Variants in FMN2 observed in about 807,000 individuals in gnomAD.
The protein encoded by FMN2 is formin 2.
Under a neutral mutation model 142.3 loss-of-function variants are expected in FMN2, and 51 were observed. The observed-to-expected ratio is 0.36, with a 90% CI of 0.29 to 0.45. The LOEUF (loss-of-function observed/expected upper bound fraction) is 0.45. FMN2 is among the 20% of genes least tolerant of loss of function. The pLI, the probability that FMN2 is intolerant of heterozygous loss-of-function variation, is 1.00. For synonymous variants in FMN2, 882 were observed against 869.8 expected (o/e 1.01, Z -0.25); for missense variants, 1,936 against 2,122.8 (o/e 0.91, Z 1.73).
At chr1:240,472,558 G>T in intron 17 of FMN2, 105 bp downstream of exon 17, 1 of 691,094 alleles carries the variant, frequency 1.4e-6, no homozygotes, top group Non-Finnish European at 2.3e-6. Context: ...TACTAAGTGT[G>T]AATAAATAAG....
At chr1:240,284,461 A>G (rs1012314945) in intron 7 of FMN2, among the ~76,000 whole-genome samples, 4 of 152,014 alleles carry the variant, frequency 2.6e-5, no homozygotes, top group African/African-American at 9.7e-5. Context: ...TTCAGTTTTT[A>G]TTTCTCTTTA....
intron 16 of FMN2, among the ~76,000 whole-genome samples, chr1:240,439,842 T>G (rs1012669385): frequency 3.9e-5 from 6 of 152,180 alleles, no homozygotes; most frequent in African/African-American, 1.4e-4. Context: ...TTTTTTAACT[T>G]TAGCACGTCA....
chr1:240,246,314 G>A lies in FMN2; in HGVS notation c.4066-11631G>A, dbSNP rs770476799. The stretch of plus-strand genomic sequence containing the variant: ...TATCCCTGGATAAAAGTAGGATGTA[G>A]GCTGGCGCTGTGGAACATGGCTGTA... On this transcript the variant is annotated intron_variant, in intron 6 of 17. Coordinates refer to ENST00000319653, the MANE Select transcript of FMN2 (RefSeq NM_020066.5). Among the ~76,000 whole-genome samples the A allele has an allele frequency of 7.2e-4, 110 of 152,204 alleles. 2 individuals carry two copies. Among genetic ancestry groups the A allele is most frequent in the Admixed American group, 2.0e-4 (3 of 15,288 alleles).
At chr1:240,244,494 A>G (rs1352864225) in intron 6 of FMN2, among the ~76,000 whole-genome samples, 1 of 152,220 alleles carries the variant, frequency 6.6e-6, no homozygotes, top group Non-Finnish European at 1.5e-5. Context: ...CACCATGTTG[A>G]CTGATCAAAT....
At chr1:240,375,413 C>G (rs1337801410) in intron 14 of FMN2, among the ~76,000 whole-genome samples, 3 of 152,058 alleles carry the variant, frequency 2.0e-5, no homozygotes, top group Non-Finnish European at 4.4e-5. Context: ...CACAGTAAAG[C>G]AAAGCACAAT....
intron 6 of FMN2, 24 bp from the exon 7 acceptor site, chr1:240,257,921 C>T (rs772158605): frequency 6.3e-7 from 1 of 1,599,172 alleles, no homozygotes; most frequent in East Asian, 2.2e-5. Context: ...AACATTTTCC[C>T]CTTTTACTTT....
intron 2 of FMN2, among the ~76,000 whole-genome samples, chr1:240,176,039 G>A (rs1664898757): frequency 6.6e-6 from 1 of 152,074 alleles, no homozygotes; most frequent in South Asian, 2.1e-4. Flanking sequence ...ATGCACGGAA[G>A]TTTTAAATTA....
intron 16 of FMN2, among the ~76,000 whole-genome samples, chr1:240,463,404 T>C (rs562051608): frequency 1.3e-5 from 2 of 152,166 alleles, no homozygotes; most frequent in Non-Finnish European, 1.5e-5. Flanking sequence ...GGTTATGCTC[T>C]TAACCAAGGC....
At chr1:240,275,746 G>A (rs1382203907) in intron 7 of FMN2, among the ~76,000 whole-genome samples, 1 of 152,104 alleles carries the variant, frequency 6.6e-6, no homozygotes, top group Non-Finnish European at 1.5e-5. Context: ...ATCCTCTCCA[G>A]CATCTGTTGT....
intron 1 of FMN2, among the ~76,000 whole-genome samples, chr1:240,103,482 C>T (rs966582738): frequency 1.3e-5 from 2 of 152,336 alleles, no homozygotes; most frequent in African/African-American, 2.4e-5. Flanking sequence ...TTTACCCACC[C>T]TCTTAACACC....
At chr1:240,122,787 T>C (rs1268987923) in intron 1 of FMN2, among the ~76,000 whole-genome samples, 1 of 152,030 alleles carries the variant, frequency 6.6e-6, no homozygotes, top group Non-Finnish European at 1.5e-5. Flanking sequence ...GCGTGGTGGC[T>C]CACACCTATA....
At chr1:240,293,446 C>A (rs1424493205) in intron 7 of FMN2, among the ~76,000 whole-genome samples, 1 of 152,236 alleles carries the variant, frequency 6.6e-6, no homozygotes, top group East Asian at 1.9e-4. Context: ...AGACTCTGCA[C>A]AAATTGAAAG....
chr1:240,305,356 A>C (rs1271423212), intron 8 of FMN2, among the ~76,000 whole-genome samples: 4 of 152,204 alleles, frequency 2.6e-5, no homozygotes, highest in African/African-American at 9.7e-5. Flanking sequence ...CTGAGAAAGA[A>C]ACTCATTCAT....
In FMN2 at chr1:240,231,141, C is replaced by T. The variant is rs1030466251; in HGVS notation, c.4065+19906C>T. 5.3e-5 allele frequency among the ~76,000 whole-genome samples: 7 copies of T among 131,742 alleles called. 2 individuals carry two copies. The highest frequency in any genetic ancestry group is 4.3e-4 in the Admixed American group (6 of 13,796). The allele number at this position is 131,742 out of a possible 152,430, so 86.4% of individuals were successfully genotyped here. A position where few individuals can be genotyped will look rare whatever the true frequency, so the allele number is the denominator to read the frequency against. The stretch of plus-strand genomic sequence containing the variant: ...GCCTTCTTCTCAATACTGCCACACA[C>T]GAAGCAGGTAGACACACAGCTATTC... On this transcript the variant is annotated intron_variant, in intron 6 of 17. Transcript: ENST00000319653.
intron 7 of FMN2, among the ~76,000 whole-genome samples, chr1:240,283,263 A>G (rs1669477761): frequency 6.6e-6 from 1 of 152,194 alleles, no homozygotes; most frequent in Non-Finnish European, 1.5e-5. Flanking sequence ...CACAGATTAT[A>G]GATGCAGAGG....
chr1:240,469,978 G>A (rs1264853905), intron 16 of FMN2, among the ~76,000 whole-genome samples: 1 of 152,142 alleles, frequency 6.6e-6, no homozygotes, highest in African/African-American at 2.4e-5. Context: ...CTGCCATAAG[G>A]AATGACTGGA....
At chr1:240,300,021 T>C (rs1670143151) in intron 8 of FMN2, among the ~76,000 whole-genome samples, 2 of 152,198 alleles carry the variant, frequency 1.3e-5, no homozygotes, top group African/African-American at 4.8e-5. Flanking sequence ...TACAGCTATG[T>C]AATAGCTAGA....
intron 4 of FMN2, among the ~76,000 whole-genome samples, chr1:240,190,220 T>C (rs956788624): frequency 1.3e-5 from 2 of 152,120 alleles, no homozygotes; most frequent in Non-Finnish European, 2.9e-5. Context: ...AAGGGTGAAA[T>C]AGATTGAATA....
chr1:240,423,548 T>C (rs1341447732), intron 15 of FMN2, among the ~76,000 whole-genome samples: 1 of 152,224 alleles, frequency 6.6e-6, no homozygotes, highest in Non-Finnish European at 1.5e-5. Context: ...GTTATACATG[T>C]GCAATTCTCA....
Sources: gnomAD v4.1 joint callset for allele counts (sites outside exome capture counted in the v4.1 genomes callset) on GRCh38, gnomAD v4.1.1 for gene constraint, MANE v1.5 for transcripts, NCBI Gene and HGNC (gene_info 2026-07-23, HGNC 2026-07-21) for gene names.